Variants in VWA8 observed in about 807,000 individuals in gnomAD.
The protein encoded by VWA8 is von Willebrand factor A domain-containing protein 8.
VWA8 carries 221 observed loss-of-function variants against 241.5 expected under a neutral mutation model. The observed-to-expected ratio is 0.91, with a 90% CI of 0.82 to 1.02. VWA8 has a LOEUF of 1.02. VWA8 is among the 50% of genes least tolerant of loss of function. VWA8 has a pLI of 0.00. For synonymous variants in VWA8, 852 were observed against 827.1 expected (o/e 1.03, Z -0.52); for missense variants, 2,322 against 2,328.7 (o/e 1.00, Z 0.06).
intron 35 of VWA8, among the ~76,000 whole-genome samples, chr13:41,678,765 C>T (rs1024569939): frequency 2.0e-5 from 3 of 151,976 alleles, no homozygotes; most frequent in Admixed American, 6.6e-5. Context: ...ACAGTGTCTA[C>T]TATTTCAAGA....
At chr13:41,754,257 G>T (rs368421684) in intron 21 of VWA8, among the ~76,000 whole-genome samples, 1 of 152,050 alleles carries the variant, frequency 6.6e-6, no homozygotes, top group South Asian at 2.1e-4. Flanking sequence ...TGCTATTCTC[G>T]TGATAGTAAG....
chr13:41,571,350 T>TCCCTCTC (rs2044302665), intron 43 of VWA8, among the ~76,000 whole-genome samples: 4 of 140,842 alleles, frequency 2.8e-5, no homozygotes, highest in African/African-American at 1.1e-4. Context: ...CTCTCCCGTC[T>TCCCTCTC]CCCTCTCCCT....
At chr13:41,827,552 T>C (rs1871232611) in intron 14 of VWA8, among the ~76,000 whole-genome samples, 1 of 152,220 alleles carries the variant, frequency 6.6e-6, no homozygotes, top group African/African-American at 2.4e-5. Context: ...TAAAATACTT[T>C]GAAAAACTAT....
chr13:41,720,488 G>A (rs2045381129), intron 25 of VWA8, among the ~76,000 whole-genome samples: 1 of 152,064 alleles, frequency 6.6e-6, no homozygotes, highest in African/African-American at 2.4e-5. Flanking sequence ...TTACAGAATG[G>A]TTAAATCACA....
At chr13:41,822,339 T>C (rs1870994554) in intron 14 of VWA8, among the ~76,000 whole-genome samples, 1 of 152,180 alleles carries the variant, frequency 6.6e-6, no homozygotes. Context: ...ATTTCATCAT[T>C]AGTTTTCCAT....
At chr13:41,763,136 A>C (rs2045753161) in intron 20 of VWA8, among the ~76,000 whole-genome samples, 1 of 151,858 alleles carries the variant, frequency 6.6e-6, no homozygotes, top group Admixed American at 6.6e-5. Flanking sequence ...AAACAAACAA[A>C]AAATTAGCCA....
intron 37 of VWA8, among the ~76,000 whole-genome samples, chr13:41,639,022 C>T (rs2044777549): frequency 6.6e-6 from 1 of 152,084 alleles, no homozygotes; most frequent in African/African-American, 2.4e-5. Flanking sequence ...CAAAGGAGCT[C>T]GCTTCTGGTA....
intron 10 of VWA8, 116 bp from the exon 11 acceptor site, chr13:41,866,152 A>G: frequency 7.6e-7 from 1 of 1,317,594 alleles, no homozygotes; most frequent in Non-Finnish European, 1.0e-6. Context: ...GTTCGAGACC[A>G]GCCTGGCCAA....
chr13:41,952,757 A>T (rs937743081), intron 1 of VWA8, among the ~76,000 whole-genome samples: 9 of 151,872 alleles, frequency 5.9e-5, no homozygotes, highest in Non-Finnish European at 1.0e-4. Context: ...TTTTTTTTTA[A>T]AAAAAGTAAA....
chr13:41,721,215 A>G (rs981757535), intron 25 of VWA8, among the ~76,000 whole-genome samples, 155 bp downstream of exon 25: 1 of 152,204 alleles, frequency 6.6e-6, no homozygotes, highest in Non-Finnish European at 1.5e-5. Context: ...TCATTGGCCT[A>G]CCATATTTAT....
intron 26 of VWA8, among the ~76,000 whole-genome samples, chr13:41,708,554 T>G (rs1038747344): frequency 2.6e-5 from 4 of 152,162 alleles, no homozygotes; most frequent in African/African-American, 9.6e-5. Context: ...GTAAATTAAT[T>G]TGGCTTTGCT....
rs1309268310 is a variant in VWA8 at position 41,596,826 on chromosome 13, C to T, written c.4987-6061G>A. On this transcript the variant is annotated intron_variant, in intron 40 of 44. Transcript: ENST00000379310. ...ACACACACACACACACACACACACA[C>T]ACACACATCTGTAGCACTAAAGACA... is the stretch of plus-strand genomic sequence containing the variant. 4.0e-5 allele frequency among the ~76,000 whole-genome samples: 6 copies of T among 149,430 alleles called. No homozygotes were observed. The East Asian group carries it at 9.7e-4, about 24-fold the overall frequency.
At chr13:41,865,461 ACTC>A (rs1263555401) in intron 12 of VWA8, 7 of 351,278 alleles carry the variant, frequency 2.0e-5, no homozygotes, top group Non-Finnish European at 3.7e-5. Context: ...ACCTCTCTTC[ACTC>A]CTCCTTTCCC....
At chr13:41,913,518 C>T (rs1246261301) in intron 2 of VWA8, among the ~76,000 whole-genome samples, 1 of 152,200 alleles carries the variant, frequency 6.6e-6, no homozygotes, top group Admixed American at 6.5e-5. Context: ...AAAGATCCAA[C>T]TAAGAAAGCC....
At chr13:41,929,371 T>C (rs1011073083) in intron 2 of VWA8, among the ~76,000 whole-genome samples, 10 of 152,094 alleles carry the variant, frequency 6.6e-5, no homozygotes, top group Non-Finnish European at 1.3e-4. Context: ...ATGGCTGATC[T>C]TGAACTCCTG....
intron 35 of VWA8, among the ~76,000 whole-genome samples, chr13:41,678,976 C>T (rs779859582): frequency 2.0e-5 from 3 of 152,098 alleles, no homozygotes; most frequent in Non-Finnish European, 4.4e-5. Flanking sequence ...AGAATATTTA[C>T]AAAAAGATTC....
At position 41,947,949 on chromosome 13, in the gene VWA8, A is replaced by AG. The variant is rs1877933228; in HGVS notation, c.241+1986_241+1987insC. Among the ~76,000 whole-genome samples, 2 of 149,116 alleles carry AG rather than the reference A, an allele frequency of 1.3e-5. 1 individual carries two copies. The highest frequency in any genetic ancestry group is 3.0e-5 in the Non-Finnish European group (2 of 67,252). ...CCTGTCTCAAAAAAAAAAAAAAAAA[A>AG]AAAACAAAACAAAACATTTTGGTAA... On this transcript the variant is annotated intron_variant, in intron 2 of 44. Transcript: ENST00000379310.
chr13:41,813,431 A>C (rs1313349994), intron 16 of VWA8, among the ~76,000 whole-genome samples: 2 of 152,210 alleles, frequency 1.3e-5, no homozygotes, highest in Non-Finnish European at 1.5e-5. Flanking sequence ...CTGATATCAA[A>C]AGTCAAATAT....
chr13:41,815,937 A>G (rs914586132), intron 16 of VWA8, among the ~76,000 whole-genome samples: 11 of 152,370 alleles, frequency 7.2e-5, no homozygotes, highest in African/African-American at 2.6e-4. Flanking sequence ...CAGATTAAGT[A>G]AAGACAGCAG....
Sources: gnomAD v4.1 joint callset for allele counts (sites outside exome capture counted in the v4.1 genomes callset) on GRCh38, gnomAD v4.1.1 for gene constraint, MANE v1.5 for transcripts, NCBI Gene and HGNC (gene_info 2026-07-23, HGNC 2026-07-21) for gene names.